The following NRG1 variants were observed in gnomAD, a reference collection of about 807,000 sequenced individuals.
The protein encoded by NRG1 is neuregulin 1, also known as pro-neuregulin-1, membrane-bound isoform.
In NRG1, 18 loss-of-function variants were observed where a neutral mutation model predicts 63.8. The observed-to-expected ratio is 0.28, with a 90% CI of 0.19 to 0.42. NRG1 has a LOEUF of 0.42. Ranked by LOEUF, NRG1 falls within the 10% of genes least tolerant of loss-of-function variation. NRG1 has a pLI of 1.00. For synonymous variants in NRG1, 302 were observed against 301.3 expected, an observed-to-expected ratio of 1.00 and a Z score of -0.02; for missense variants, 762 against 814.7, an observed-to-expected ratio of 0.94 and a Z score of 0.79.
chr8:32,413,879 CA>C (rs1438995985), intron 1 of NRG1, among the ~76,000 whole-genome samples: 1 of 151,658 alleles, frequency 6.6e-6, no homozygotes, highest in Non-Finnish European at 1.5e-5. Context: ...AACTGGGACA[CA>C]GGTATAGAAA....
At chr8:32,091,050 T>C (rs952943841) in intron 1 of NRG1, among the ~76,000 whole-genome samples, 12 of 152,120 alleles carry the variant, frequency 7.9e-5, no homozygotes, top group South Asian at 4.2e-4. Context: ...GAGGCCGAGG[T>C]GGGCGGATCA....
intron 1 of NRG1, among the ~76,000 whole-genome samples, chr8:31,987,694 C>T (rs1449411539): frequency 1.3e-5 from 2 of 151,932 alleles, no homozygotes; most frequent in African/African-American, 4.8e-5. Flanking sequence ...ACCCCAGCAA[C>T]ATGCAATTTA....
intron 1 of NRG1, among the ~76,000 whole-genome samples, chr8:31,676,434 G>A (rs1807708347): frequency 6.6e-6 from 1 of 152,198 alleles, no homozygotes; most frequent in Admixed American, 6.5e-5. Flanking sequence ...GGGACCCAGA[G>A]GCCATTCTTA....
intron 1 of NRG1, among the ~76,000 whole-genome samples, chr8:32,000,037 A>G (rs766788271): frequency 2.6e-5 from 4 of 152,032 alleles, no homozygotes; most frequent in Non-Finnish European, 4.4e-5. Context: ...AGGCAGATGG[A>G]TGTCAGCATG....
At chr8:32,513,048 A>G (rs1057301638) in intron 1 of NRG1, among the ~76,000 whole-genome samples, 1 of 152,146 alleles carries the variant, frequency 6.6e-6, no homozygotes, top group African/African-American at 2.4e-5. Flanking sequence ...TGACCTTTCT[A>G]TAAAGACAAA....
downstream of NRG1, among the ~76,000 whole-genome samples, chr8:32,771,714 AAAT>A (rs1453346988): frequency 3.6e-5 from 4 of 111,896 alleles, no homozygotes; most frequent in East Asian, 3.0e-4. Context: ...TTTAAAAAAA[AAAT>A]ATATATATAT....
chr8:32,452,298 A>T (rs370153424), intron 1 of NRG1, among the ~76,000 whole-genome samples: 51 of 152,304 alleles, frequency 3.3e-4, no homozygotes, highest in African/African-American at 1.2e-3. Flanking sequence ...TACAGTTGTG[A>T]TGTGAACTAA....
At chr8:31,955,462 G>A (rs867142931) in intron 1 of NRG1, among the ~76,000 whole-genome samples, 6 of 152,324 alleles carry the variant, frequency 3.9e-5, no homozygotes, top group Middle Eastern at 3.4e-3. Flanking sequence ...TAAGACAAAA[G>A]AAAGAGAGGA....
At chr8:31,639,359 A>G in exon 1 of NRG1, 5 of 1,533,542 alleles carry the variant, frequency 3.3e-6, no homozygotes, top group Non-Finnish European at 4.4e-6. Flanking sequence ...GCCCAGGAGG[A>G]CCCACTCGCG....
intron 1 of NRG1, among the ~76,000 whole-genome samples, chr8:32,017,544 A>C (rs1399939513): frequency 6.6e-6 from 1 of 152,186 alleles, no homozygotes; most frequent in East Asian, 1.9e-4. Flanking sequence ...TTCGCTTCAC[A>C]TGGCAGTCAC....
At chr8:32,479,978 A>G (rs1381824104) in intron 1 of NRG1, among the ~76,000 whole-genome samples, 1 of 152,098 alleles carries the variant, frequency 6.6e-6, no homozygotes, top group Non-Finnish European at 1.5e-5. Context: ...GGAAAATCCA[A>G]CTATATATAT....
At chr8:32,183,454 T>A (rs1841644336) in intron 1 of NRG1, among the ~76,000 whole-genome samples, 1 of 152,214 alleles carries the variant, frequency 6.6e-6, no homozygotes, top group Admixed American at 6.5e-5. Context: ...AAAGGCAAAA[T>A]GCTGCAGGGA....
chr8:32,065,424 A>G (rs12675585), intron 1 of NRG1, among the ~76,000 whole-genome samples: 47,930 of 151,802 alleles, frequency 0.32, 8,278 homozygotes, highest in East Asian at 0.67. Flanking sequence ...TCATTGTTCA[A>G]TTCCCACCTA....
chr8:32,459,184 G>A (rs1028451150), intron 1 of NRG1, among the ~76,000 whole-genome samples: 9 of 152,228 alleles, frequency 5.9e-5, no homozygotes, highest in African/African-American at 1.9e-4. Context: ...AGCTCTTCTG[G>A]TCTTGCCCAT....
At chr8:32,244,602 A>G (rs999675363) in intron 1 of NRG1, among the ~76,000 whole-genome samples, 7 of 152,274 alleles carry the variant, frequency 4.6e-5, no homozygotes, top group African/African-American at 1.4e-4. Flanking sequence ...TTTTTTCTAG[A>G]AGCATAGGGA....
In NRG1 at chr8:32,639,411, A is replaced by T. The variant is rs552702350; in HGVS notation, c.502+22526A>T. Among the ~76,000 whole-genome samples, 8 of 152,280 alleles carry T rather than the reference A, an allele frequency of 5.3e-5. 1 individual carries two copies. The highest frequency in any genetic ancestry group is 1.7e-4 in the African/African-American group (7 of 41,560). On this transcript the variant is annotated intron_variant, in intron 5 of 11. Coordinates refer to ENST00000356819, the Ensembl canonical transcript of NRG1. ...ACAGAGCAAGATTCCATTTCAAAAT[A>T]AATAAATAAATATAAAAGAGAAAAG...
intron 1 of NRG1, among the ~76,000 whole-genome samples, chr8:31,965,649 G>T (rs1806197031): frequency 6.6e-6 from 1 of 152,168 alleles, no homozygotes; most frequent in Non-Finnish European, 1.5e-5. Context: ...TATACGGGTT[G>T]AACCAATCCA....
intron 1 of NRG1, among the ~76,000 whole-genome samples, chr8:32,568,976 A>C (rs79385696): frequency 4.9e-5 from 7 of 142,682 alleles, no homozygotes; most frequent in African/African-American, 1.0e-4. Flanking sequence ...AAAAAAAAAA[A>C]GTTTTTCAGA....
chr8:32,260,658 C>T (rs1850260864), intron 1 of NRG1, among the ~76,000 whole-genome samples: 1 of 152,198 alleles, frequency 6.6e-6, no homozygotes, highest in African/African-American at 2.4e-5. Flanking sequence ...TTCCAGGGCC[C>T]TGCCCCATGC....
Sources: gnomAD v4.1 joint callset for allele counts (sites outside exome capture counted in the v4.1 genomes callset) on GRCh38, gnomAD v4.1.1 for gene constraint, MANE v1.5 for transcripts, NCBI Gene and HGNC (gene_info 2026-07-23, HGNC 2026-07-21) for gene names.